RGS17: variants seen among roughly 807,000 people sequenced by gnomAD.
The protein encoded by RGS17 is regulator of G-protein signaling 17.
A neutral mutation model predicts 25.5 loss-of-function variants in RGS17; 12 were observed. The ratio of observed to expected loss-of-function variants is 0.47; its 90% CI spans 0.30 to 0.76. The LOEUF (loss-of-function observed/expected upper bound fraction) is 0.76. Ranked by LOEUF, RGS17 falls within the 30% of genes least tolerant of loss-of-function variation. The pLI, the probability that RGS17 is intolerant of heterozygous loss-of-function variation, is 0.07. For missense variants in RGS17, 196 were observed against 242.2 expected, an observed-to-expected ratio of 0.81 and a Z score of 1.27; for synonymous variants, 71 against 76.9, an observed-to-expected ratio of 0.92 and a Z score of 0.40.
At chr6:153,067,062 G>C (rs897274774) in intron 1 of RGS17, among the ~76,000 whole-genome samples, 1 of 123,970 alleles carries the variant, frequency 8.1e-6, no homozygotes, top group African/African-American at 3.2e-5. Context: ...AACAAACAAA[G>C]AACATGTCAA....
In RGS17 at chr6:153,030,104, T is replaced by C. The variant is rs143440797; in HGVS notation, c.120-3561A>G. ...ACTAAAATAAGCATTTAAAATCCCA[T>C]TAGAGATTTTCTAAATAGTGACTTT... On this transcript the variant is annotated intron_variant, in intron 2 of 4. Transcript: ENST00000206262. Among the ~76,000 whole-genome samples the C allele has an allele frequency of 4.9e-4, 74 of 152,298 alleles. 1 individual carries two copies. The highest frequency in any genetic ancestry group is 1.7e-3 in the African/African-American group (71 of 41,552).
rs1404478692 is a variant in RGS17 at position 153,130,759 on chromosome 6, G to A, written c.-26+365C>T. 6.6e-6 allele frequency among the ~76,000 whole-genome samples: 1 copy of A among 152,000 alleles called. No individual in the cohort carries two copies. The highest frequency in any genetic ancestry group is 2.0e-4 in the East Asian group (1 of 5,118). On this transcript the variant is annotated intron_variant, in intron 1 of 4. Transcript: ENST00000206262. This position sits in a 1 kb window ranked among gnomAD's most constrained non-coding sequence, Gnocchi z 6.4. ...CGCCCCTGGCCCGGCCCTCCCGGCC[G>A]CCCCCAGCAGGCGCCCCGCTCTCCG...
chr6:153,108,651 A>G (rs1463720216), intron 1 of RGS17, among the ~76,000 whole-genome samples: 1 of 139,744 alleles, frequency 7.2e-6, no homozygotes, highest in African/African-American at 2.5e-5. Context: ...TAGTAGTACA[A>G]TATATTGGTT....
At chr6:153,103,198 C>G (rs1329316297) in intron 1 of RGS17, among the ~76,000 whole-genome samples, 2 of 152,160 alleles carry the variant, frequency 1.3e-5, no homozygotes, top group Non-Finnish European at 2.9e-5. Flanking sequence ...TGCTGCTGGA[C>G]TGTAACACAG....
At chr6:153,087,615 T>C (rs534322292) in intron 1 of RGS17, among the ~76,000 whole-genome samples, 1 of 152,312 alleles carries the variant, frequency 6.6e-6, no homozygotes, top group East Asian at 1.9e-4. Context: ...CAGTGGCTTT[T>C]TTGAGCTTTC....
In RGS17 at chr6:153,024,008, G is replaced by A. The variant is rs6905616; in HGVS notation, c.444+254C>T. Reference sequence around the variant, plus strand: ...GTCACAGCAAATTGTGTTTAAGCAGGCTCCTTAGTGTTAGTTCTGAAAAGC... The same window carrying A: ...GTCACAGCAAATTGTGTTTAAGCAGACTCCTTAGTGTTAGTTCTGAAAAGC... On this transcript the variant is annotated intron_variant, in intron 4 of 4. Coordinates refer to ENST00000206262, the MANE Select transcript of RGS17 (RefSeq NM_012419.5). Among the ~76,000 whole-genome samples, 1,273 of 152,262 alleles carry A rather than the reference G, an allele frequency of 8.4e-3. 17 individuals are homozygous for A. The highest frequency in any genetic ancestry group is 0.029 in the African/African-American group (1,213 of 41,544).
rs17083425 is a variant in RGS17, at chr6:153,018,249, C to T, written c.444+6013G>A. On this transcript the variant is annotated intron_variant, in intron 4 of 4. Coordinates refer to ENST00000206262, the MANE Select transcript of RGS17 (RefSeq NM_012419.5). ...TTGGGTTTATAGAAATCTAAGGTAA[C>T]ATCAGGAAGAAAATATTAGGCAATG... Among the ~76,000 whole-genome samples the T allele has an allele frequency of 8.3e-3, 1,265 of 152,032 alleles. 17 individuals carry two copies. The highest frequency in any genetic ancestry group is 0.029 in the African/African-American group (1,205 of 41,442).
chr6:153,070,979 A>G (rs1159578432), intron 1 of RGS17, among the ~76,000 whole-genome samples: 1 of 148,316 alleles, frequency 6.7e-6, no homozygotes, highest in Non-Finnish European at 1.5e-5. Context: ...GTATATGTAC[A>G]CACATGTGTG....
intron 1 of RGS17, among the ~76,000 whole-genome samples, chr6:153,113,921 G>A (rs1439207042): frequency 6.6e-6 from 1 of 152,100 alleles, no homozygotes; most frequent in African/African-American, 2.4e-5. Context: ...CTGAGACACA[G>A]GTAAAGCAGT....
chr6:153,008,160 T>C lies in RGS17; in HGVS notation c.*3414A>G, dbSNP rs1172770392. On this transcript the variant is annotated 3_prime_UTR_variant, in exon 5 of 5. Coordinates refer to ENST00000206262, the MANE Select transcript of RGS17 (RefSeq NM_012419.5). ...TTTTGCTCCTAATAAATAAATATTA[T>C]TCACTTATCCCTATAGTCCTTTGGC... 1 of 152,194 alleles carries C rather than the reference T, an allele frequency of 6.6e-6. No homozygotes were observed. The highest frequency in any genetic ancestry group is 6.5e-5 in the Admixed American group (1 of 15,280). 9.4% of individuals were successfully genotyped at this position (152,194 alleles called of 1,614,324 possible). A position where few individuals can be genotyped will look rare whatever the true frequency, so the allele number is the denominator to read the frequency against.
chr6:153,115,840 T>C (rs1237471501), intron 1 of RGS17, among the ~76,000 whole-genome samples: 1 of 152,208 alleles, frequency 6.6e-6, no homozygotes, highest in Non-Finnish European at 1.5e-5. Context: ...CCCTGTTTAA[T>C]AAATGGTGTT....
intron 1 of RGS17, among the ~76,000 whole-genome samples, chr6:153,092,185 C>T (rs986331621): frequency 7.9e-5 from 12 of 152,164 alleles, no homozygotes; most frequent in Non-Finnish European, 1.8e-4. Flanking sequence ...TTTAAACCCA[C>T]CTACACAAGT....
At chr6:153,077,401 T>C (rs79286271) in intron 1 of RGS17, among the ~76,000 whole-genome samples, 1,762 of 152,268 alleles carry the variant, frequency 0.012, 37 homozygotes, top group African/African-American at 0.04. Context: ...GGATATTAGA[T>C]GAGACTATAG....
At chr6:153,026,684 C>A in intron 2 of RGS17, 141 bp from the exon 3 acceptor site, 1 of 527,134 alleles carries the variant, frequency 1.9e-6, no homozygotes, top group East Asian at 3.1e-5. Context: ...AGAGCAATAC[C>A]ATTTTTAAAT....
At chr6:153,114,597 C>G (rs1023220438) in intron 1 of RGS17, among the ~76,000 whole-genome samples, 1 of 152,288 alleles carries the variant, frequency 6.6e-6, no homozygotes, top group Admixed American at 6.5e-5. Flanking sequence ...TGGCATCATC[C>G]TGATACCAAA....
At chr6:153,125,309 A>C (rs1777688514) in intron 1 of RGS17, among the ~76,000 whole-genome samples, 1 of 152,250 alleles carries the variant, frequency 6.6e-6, no homozygotes, top group African/African-American at 2.4e-5. Context: ...AAAATCTCAC[A>C]TACAAAGCTT....
At chr6:153,123,199 A>G (rs1777662629) in intron 1 of RGS17, among the ~76,000 whole-genome samples, 2 of 152,092 alleles carry the variant, frequency 1.3e-5, no homozygotes, top group Non-Finnish European at 2.9e-5. Flanking sequence ...TATCTAGTGA[A>G]TTTTGATCAT....
chr6:153,118,555 C>T (rs189178835), intron 1 of RGS17, among the ~76,000 whole-genome samples: 5 of 152,268 alleles, frequency 3.3e-5, no homozygotes, highest in African/African-American at 7.2e-5. Flanking sequence ...ATAGCTAAAA[C>T]GTAGTGCTCC....
intron 2 of RGS17, among the ~76,000 whole-genome samples, chr6:153,033,395 C>T (rs748746341): frequency 1.8e-4 from 27 of 152,072 alleles, no homozygotes; most frequent in Admixed American, 7.9e-4. Context: ...AAGAGAATTA[C>T]AGGTCTGAAT....
Sources: gnomAD v4.1 joint callset for allele counts (sites outside exome capture counted in the v4.1 genomes callset) on GRCh38, gnomAD v4.1.1 for gene constraint, Gnocchi (gnomAD v3.1) non-coding constraint, MANE v1.5 for transcripts, NCBI Gene and HGNC (gene_info 2026-07-23, HGNC 2026-07-21) for gene names.